NRXN3: variants seen among roughly 807,000 people sequenced by gnomAD.
The protein encoded by NRXN3 is neurexin III.
In NRXN3, 32 loss-of-function variants were observed where a neutral mutation model predicts 137.6. The ratio of observed to expected loss-of-function variants is 0.23; its 90% CI spans 0.18 to 0.31. NRXN3 has a LOEUF of 0.31. NRXN3 is among the 10% of genes least tolerant of loss of function. The pLI is 1.00. For missense variants in NRXN3, 1,574 were observed against 2,062.5 expected (o/e 0.76, Z 4.59); for synonymous variants, 798 against 784.5 (o/e 1.02, Z -0.29).
rs900441550 is a variant in NRXN3 at position 79,213,625 on chromosome 14, T to TG, written c.3262+225493dup. Among the ~76,000 whole-genome samples, 807 of 138,136 alleles carry TG rather than the reference T, an allele frequency of 5.8e-3. 1 individual carries two copies. The highest frequency in any genetic ancestry group is 0.014 in the Middle Eastern group (4 of 280). The allele number at this position is 138,136 out of a possible 152,430, so 90.6% of individuals were successfully genotyped here. A position where few individuals can be genotyped will look rare whatever the true frequency, so the allele number is the denominator to read the frequency against. On this transcript the variant is annotated intron_variant, in intron 15 of 20. Coordinates refer to ENST00000335750, the MANE Select transcript of NRXN3 (RefSeq NM_001330195.2). ...CCTGTCTCCTCTCACCCTTTTTTTT[T>TG]GGGGGGGGGTGGCGGGAACAAAACA...
chr14:79,255,746 G>GA (rs2076488473), intron 15 of NRXN3, among the ~76,000 whole-genome samples: 1 of 152,244 alleles, frequency 6.6e-6, no homozygotes, highest in African/African-American at 2.4e-5. Context: ...ACTGGTGGCT[G>GA]AAGGCCAGCA....
intron 4 of NRXN3, among the ~76,000 whole-genome samples, chr14:78,372,343 G>C (rs934937351): frequency 1.3e-5 from 2 of 149,400 alleles, no homozygotes; most frequent in African/African-American, 2.5e-5. Flanking sequence ...TAGGGTACAT[G>C]CTTGTTTGTT....
intron 10 of NRXN3, among the ~76,000 whole-genome samples, chr14:78,948,315 C>A (rs538292709): frequency 6.6e-6 from 1 of 152,230 alleles, no homozygotes; most frequent in South Asian, 2.1e-4. Context: ...TATTCATTGG[C>A]TCCCTTCCCC....
At chr14:78,308,336 A>G (rs929833443) in intron 4 of NRXN3, among the ~76,000 whole-genome samples, 3 of 152,040 alleles carry the variant, frequency 2.0e-5, no homozygotes, top group African/African-American at 7.2e-5. Flanking sequence ...GTTAGGAGGG[A>G]TGATGGTGTG....
In NRXN3 at chr14:79,347,878, T is replaced by C. The variant is rs568009188; in HGVS notation, c.3263-119343T>C. On this transcript the variant is annotated intron_variant, in intron 15 of 20. Coordinates refer to ENST00000335750, the MANE Select transcript of NRXN3 (RefSeq NM_001330195.2). ...GCATTCTTGGCCCTTTTCTCCTAAG[T>C]TAAGACTGTTCGCAAATCACTTTTG... Among the ~76,000 whole-genome samples, 3 of 152,356 alleles carry C rather than the reference T, an allele frequency of 2.0e-5. No homozygotes were observed. The South Asian group carries it at 6.2e-4, about 32-fold the overall frequency.
chr14:79,721,201 A>C (rs1174962585), intron 19 of NRXN3, among the ~76,000 whole-genome samples: 1 of 152,160 alleles, frequency 6.6e-6, no homozygotes, highest in Non-Finnish European at 1.5e-5. Flanking sequence ...TAGCCTTAAA[A>C]GAATAACAAA....
intron 15 of NRXN3, among the ~76,000 whole-genome samples, chr14:79,227,798 C>CTCCT (rs1226302383): frequency 6.9e-6 from 1 of 145,246 alleles, no homozygotes; most frequent in African/African-American, 2.6e-5. Context: ...TCCTCCCTTC[C>CTCCT]TCCCTTCCTC....
At chr14:79,756,951 T>C (rs2099021713) in intron 19 of NRXN3, among the ~76,000 whole-genome samples, 1 of 152,184 alleles carries the variant, frequency 6.6e-6, no homozygotes, top group African/African-American at 2.4e-5. Context: ...GCCTCTGCTG[T>C]ATTCCTTAGC....
chr14:78,496,715 T>C (rs2095791540), intron 4 of NRXN3, among the ~76,000 whole-genome samples: 1 of 151,956 alleles, frequency 6.6e-6, no homozygotes, highest in African/African-American at 2.4e-5. Flanking sequence ...GGTAAGAGGA[T>C]AGAGGTGCTG....
At chr14:78,225,972 T>TGTGTGTG (rs1555412776) in intron 1 of NRXN3, among the ~76,000 whole-genome samples, 1 of 114,190 alleles carries the variant, frequency 8.8e-6, no homozygotes, top group Admixed American at 8.6e-5. Context: ...TGTGTGTGTG[T>TGTGTGTG]TGGTGTGTGT....
intron 16 of NRXN3, among the ~76,000 whole-genome samples, chr14:79,569,630 T>TGTGTGTGA (rs775452045): frequency 7.4e-6 from 1 of 135,676 alleles, no homozygotes; most frequent in East Asian, 2.2e-4. Flanking sequence ...TGTGTGTGTG[T>TGTGTGTGA]GAGAGAGAGA....
At chr14:78,539,282 C>A (rs2096565925) in intron 4 of NRXN3, among the ~76,000 whole-genome samples, 2 of 152,172 alleles carry the variant, frequency 1.3e-5, no homozygotes, top group Admixed American at 6.5e-5. Flanking sequence ...ATTATTGCCT[C>A]AATTTCAGAG....
chr14:78,222,922 T>C (rs1249051973), intron 1 of NRXN3, among the ~76,000 whole-genome samples: 2 of 152,204 alleles, frequency 1.3e-5, no homozygotes, highest in Non-Finnish European at 2.9e-5. Context: ...AATAAATACA[T>C]TTGAGTGGGT....
chr14:78,938,438 A>G (rs2099346201), intron 10 of NRXN3, among the ~76,000 whole-genome samples: 2 of 152,246 alleles, frequency 1.3e-5, no homozygotes, highest in Admixed American at 1.3e-4. Flanking sequence ...CTATTGGGCC[A>G]CATGAGAGAT....
chr14:79,030,432 CA>C (rs1386210889), intron 15 of NRXN3, among the ~76,000 whole-genome samples: 1 of 152,012 alleles, frequency 6.6e-6, no homozygotes, highest in African/African-American at 2.4e-5. Flanking sequence ...CCTGCCTTGA[CA>C]CCTGCTCACA....
intron 8 of NRXN3, among the ~76,000 whole-genome samples, chr14:78,771,535 T>C (rs557730122): frequency 2.5e-4 from 38 of 152,274 alleles, no homozygotes; most frequent in Admixed American, 2.1e-3. Context: ...GAGAATTAAA[T>C]GGTCAGAATT....
At chr14:79,332,061 G>A (rs1313631649) in intron 15 of NRXN3, among the ~76,000 whole-genome samples, 1 of 152,124 alleles carries the variant, frequency 6.6e-6, no homozygotes, top group Non-Finnish European at 1.5e-5. Flanking sequence ...TCTCAGCATG[G>A]TTGCCTTCAA....
intron 15 of NRXN3, among the ~76,000 whole-genome samples, chr14:78,994,448 C>T (rs1351716112): frequency 6.6e-6 from 1 of 152,164 alleles, no homozygotes; most frequent in Non-Finnish European, 1.5e-5. Context: ...TGGTGCCCAA[C>T]TCTTGGGGAG....
chr14:79,272,998 C>T (rs530003094), intron 15 of NRXN3, among the ~76,000 whole-genome samples: 2 of 151,538 alleles, frequency 1.3e-5, no homozygotes, highest in Admixed American at 1.3e-4. Flanking sequence ...TGGTGAAACC[C>T]CATCTCTACT....
Sources: allele counts gnomAD v4.1 joint callset (sites outside exome capture counted in the v4.1 genomes callset), GRCh38; gene constraint gnomAD v4.1.1; transcripts MANE v1.5; gene names NCBI Gene and HGNC (gene_info 2026-07-23, HGNC 2026-07-21).